The following PRKCE variants were observed in gnomAD, a reference collection of about 807,000 sequenced individuals.
PRKCE encodes protein kinase C epsilon type.
Under a neutral mutation model 85.4 loss-of-function variants are expected in PRKCE, and 16 were observed. The observed-to-expected ratio is 0.19, with a 90% CI of 0.13 to 0.28. The LOEUF is 0.28. PRKCE is among the 10% of genes least tolerant of loss of function. The pLI is 1.00. For missense variants in PRKCE, 573 were observed against 975.2 expected, an observed-to-expected ratio of 0.59 and a Z score of 5.49; for synonymous variants, 388 against 371.5, an observed-to-expected ratio of 1.04 and a Z score of -0.51.
chr2:45,870,270 C>G (rs1037886878), intron 2 of PRKCE, among the ~76,000 whole-genome samples: 2 of 152,124 alleles, frequency 1.3e-5, no homozygotes, highest in African/African-American at 4.8e-5. Flanking sequence ...ACACAGAGTG[C>G]AATTCATGGA....
intron 2 of PRKCE, among the ~76,000 whole-genome samples, chr2:45,910,162 A>G (rs1202479201): frequency 2.6e-5 from 4 of 152,192 alleles, no homozygotes; most frequent in Admixed American, 6.5e-5. Context: ...TTTGTAGTTA[A>G]TGATTCTAAA....
intron 1 of PRKCE, among the ~76,000 whole-genome samples, chr2:45,755,589 A>T (rs1248609733): frequency 6.6e-6 from 1 of 152,222 alleles, no homozygotes; most frequent in Admixed American, 6.5e-5. Context: ...TTCTTATGGC[A>T]ATTACCAGGT....
chr2:45,721,366 C>A (rs1680604297), intron 1 of PRKCE, among the ~76,000 whole-genome samples: 1 of 152,028 alleles, frequency 6.6e-6, no homozygotes, highest in Non-Finnish European at 1.5e-5. Flanking sequence ...TAACCCAGGA[C>A]AATAGTGCAG....
intron 2 of PRKCE, among the ~76,000 whole-genome samples, chr2:45,915,642 A>G (rs1697711626): frequency 2.0e-5 from 3 of 152,202 alleles, no homozygotes; most frequent in African/African-American, 4.8e-5. Flanking sequence ...AAGTTCTATC[A>G]AATTCGTATG....
At chr2:45,710,406 C>A (rs1266810029) in intron 1 of PRKCE, among the ~76,000 whole-genome samples, 1 of 152,224 alleles carries the variant, frequency 6.6e-6, no homozygotes, top group Non-Finnish European at 1.5e-5. Context: ...GTCCATACAT[C>A]CTCCAGAGTC....
At chr2:46,059,248 G>T (rs556406279) in intron 10 of PRKCE, among the ~76,000 whole-genome samples, 9 of 151,854 alleles carry the variant, frequency 5.9e-5, no homozygotes, top group African/African-American at 1.9e-4. Context: ...TGATCGCGCC[G>T]TTGCACTCCA....
chr2:46,033,728 T>A (rs1707684788), intron 10 of PRKCE, among the ~76,000 whole-genome samples: 1 of 152,122 alleles, frequency 6.6e-6, no homozygotes, highest in Non-Finnish European at 1.5e-5. Context: ...ACGTATGAAA[T>A]GAGGTAAGCA....
chr2:45,653,806 T>C (rs184962833), intron 1 of PRKCE, among the ~76,000 whole-genome samples: 3 of 151,934 alleles, frequency 2.0e-5, no homozygotes, highest in African/African-American at 7.2e-5. Context: ...AGATTTGTGG[T>C]TTGCACTTTG....
intron 2 of PRKCE, among the ~76,000 whole-genome samples, chr2:45,902,805 G>A (rs1225591855): frequency 6.6e-6 from 1 of 152,226 alleles, no homozygotes; most frequent in African/African-American, 2.4e-5. Context: ...AGTGTTCTCT[G>A]TAGGGTTAAT....
chr2:45,915,114 C>G (rs777527044), intron 2 of PRKCE, among the ~76,000 whole-genome samples: 7 of 152,162 alleles, frequency 4.6e-5, no homozygotes, highest in Non-Finnish European at 1.0e-4. Flanking sequence ...GTCTCGAACT[C>G]CTTACCTCAG....
At chr2:45,713,520 A>G (rs1177217275) in intron 1 of PRKCE, among the ~76,000 whole-genome samples, 1 of 152,160 alleles carries the variant, frequency 6.6e-6, no homozygotes, top group Admixed American at 6.5e-5. Context: ...GTATATGAAC[A>G]TCCGGACCAA....
intron 2 of PRKCE, among the ~76,000 whole-genome samples, chr2:45,910,037 C>G (rs1194452812): frequency 7.2e-6 from 1 of 138,242 alleles, no homozygotes; most frequent in Non-Finnish European, 1.6e-5. Flanking sequence ...TTCCAGTAAA[C>G]TCACCGCCCC....
At chr2:45,816,507 A>G (rs1689058476) in intron 1 of PRKCE, among the ~76,000 whole-genome samples, 1 of 152,218 alleles carries the variant, frequency 6.6e-6, no homozygotes, top group Admixed American at 6.5e-5. Context: ...TTTTGTGTCA[A>G]CTAGGGAGCT....
chr2:45,814,643 T>C (rs1350253557), intron 1 of PRKCE, among the ~76,000 whole-genome samples: 1 of 152,226 alleles, frequency 6.6e-6, no homozygotes, highest in Admixed American at 6.5e-5. Context: ...GCACCAATTC[T>C]CCTGGGGTCT....
intron 1 of PRKCE, among the ~76,000 whole-genome samples, chr2:45,749,439 T>C (rs756956930): frequency 3.3e-5 from 5 of 152,200 alleles, no homozygotes; most frequent in African/African-American, 1.2e-4. Flanking sequence ...TTGCAGCTCA[T>C]GGGTGCAGTT....
In PRKCE at chr2:45,769,491, C is replaced by T. The variant is rs57190983; in HGVS notation, c.349-73509C>T. 3.6e-3 allele frequency among the ~76,000 whole-genome samples: 554 copies of T among 152,196 alleles called. 4 individuals are homozygous for T. The highest frequency in any genetic ancestry group is 0.013 in the African/African-American group (522 of 41,522). ...ACACTCATTCATGCACAATCGCTGGCGAGTAGTTTGAGTAACATGGCATCC... is the reference window on the plus strand; with the variant it reads ...ACACTCATTCATGCACAATCGCTGGTGAGTAGTTTGAGTAACATGGCATCC... On this transcript the variant is annotated intron_variant, in intron 1 of 14. Transcript: ENST00000306156.
chr2:46,143,469 T>C (rs536450503), intron 11 of PRKCE, among the ~76,000 whole-genome samples: 1 of 152,204 alleles, frequency 6.6e-6, no homozygotes, highest in East Asian at 1.9e-4. Context: ...AGTGTGACAA[T>C]GTTAAAGACC....
intron 10 of PRKCE, among the ~76,000 whole-genome samples, chr2:46,067,153 G>T (rs1667688084): frequency 6.6e-6 from 1 of 152,148 alleles, no homozygotes; most frequent in Non-Finnish European, 1.5e-5. Flanking sequence ...ATCTACCTTT[G>T]CATTGGCTAT....
Position 45,842,924 on chromosome 2 carries a change from G to A in PRKCE, c.349-76G>A. 3.0e-6 allele frequency: 4 copies of A among 1,336,390 alleles called. No individual in the cohort carries two copies. In the South Asian group the frequency reaches 3.5e-5, roughly 12 times the overall value. 82.8% of individuals were successfully genotyped at this position (1,336,390 alleles called of 1,614,324 possible). On this transcript the variant is annotated intron_variant, in intron 1 of 14. Coordinates refer to ENST00000306156, the MANE Select transcript of PRKCE (RefSeq NM_005400.3). ...TGTGTCTCTAGGTTTTAGCAGTTTGGGGTAGAAATGTTGTGGAACTCTTAG... is the reference window on the plus strand; with the variant it reads ...TGTGTCTCTAGGTTTTAGCAGTTTGAGGTAGAAATGTTGTGGAACTCTTAG...
Sources: gnomAD v4.1 joint callset for allele counts (sites outside exome capture counted in the v4.1 genomes callset) on GRCh38, gnomAD v4.1.1 for gene constraint, MANE v1.5 for transcripts, NCBI Gene and HGNC (gene_info 2026-07-23, HGNC 2026-07-21) for gene names.